Variants in SETD2 observed in about 807,000 individuals in gnomAD.
The protein encoded by SETD2 is SET domain containing 2, histone lysine methyltransferase.
A neutral mutation model predicts 242.1 loss-of-function variants in SETD2; 31 were observed. The ratio of observed to expected loss-of-function variants is 0.13; its 90% CI spans 0.10 to 0.17. The LOEUF (loss-of-function observed/expected upper bound fraction) is 0.17. Ranked by LOEUF, SETD2 falls within the 10% of genes least tolerant of loss-of-function variation. The pLI is 1.00. For synonymous variants in SETD2, 1,006 were observed against 1,066.5 expected (o/e 0.94, Z 1.11); for missense variants, 2,481 against 3,046.3 (o/e 0.81, Z 4.37).
At chr3:47,054,856 C>T in intron 15 of SETD2, among the ~76,000 whole-genome samples, 1 of 151,922 alleles carries the variant, frequency 6.6e-6, no homozygotes, top group African/African-American at 2.4e-5. Context: ...CCCATTAAAA[C>T]ATTTATGTAT....
chr3:47,084,564 A>T (rs896425838), intron 11 of SETD2, among the ~76,000 whole-genome samples, 182 bp from the exon 12 acceptor site: 1 of 151,588 alleles, frequency 6.6e-6, no homozygotes, highest in African/African-American at 2.4e-5. Flanking sequence ...AGCTGGGAGT[A>T]CAGGCGCTAG....
chr3:47,022,052 C>T (rs1559638004), intron 18 of SETD2, among the ~76,000 whole-genome samples: 1 of 146,062 alleles, frequency 6.8e-6, no homozygotes. Context: ...GAGGCTGAGG[C>T]AGGAGAATCG....
intron 19 of SETD2, among the ~76,000 whole-genome samples, chr3:47,018,977 C>G (rs1177807719): frequency 6.6e-6 from 1 of 152,214 alleles, no homozygotes; most frequent in Non-Finnish European, 1.5e-5. Context: ...GGCTCCCAGC[C>G]CTAATATGGC....
At chr3:47,125,227 G>C (rs751807037) in intron 2 of SETD2, among the ~76,000 whole-genome samples, 13 of 151,994 alleles carry the variant, frequency 8.6e-5, no homozygotes, top group African/African-American at 2.2e-4. Flanking sequence ...GCTGAGGTGG[G>C]AGAATCACTG....
chr3:47,050,727 T>TTTTTTTC (rs2039793095), intron 15 of SETD2, among the ~76,000 whole-genome samples: 1 of 116,308 alleles, frequency 8.6e-6, no homozygotes, highest in Non-Finnish European at 1.8e-5. Context: ...CTCTCTCTTT[T>TTTTTTTC]TTTTTTTTTT....
intron 6 of SETD2, 95 bp from the exon 7 acceptor site, chr3:47,103,518 A>T (rs2042293987): frequency 2.3e-6 from 2 of 881,892 alleles, no homozygotes; most frequent in Non-Finnish European, 3.6e-6. Flanking sequence ...TGCATCAATT[A>T]AAAAAAAGAT....
rs557527064 is a variant in SETD2, at chr3:47,084,302, G to A, written c.5478C>T (p.Arg1826=). 2.5e-6 allele frequency: 4 copies of A among 1,613,960 alleles called. No individual in the cohort carries two copies. The Admixed American group carries it at 6.7e-5, about 27-fold the overall frequency. The change falls in exon 12 of 21, where the codon CGC becomes CGT. Residue 1826 remains arginine, a synonymous_variant. Coordinates refer to ENST00000409792, the MANE Select transcript of SETD2 (RefSeq NM_014159.7). The part of the protein sequence containing the change: ...EESKVLPIIQ[R]WSQTKTAVPP... ...GGACAGCAGTCTTAGTCTGAGACCA[G>A]CGTTGAATAATTGGAAGTACTTTGC...
intron 17 of SETD2, among the ~76,000 whole-genome samples, chr3:47,039,766 T>G (rs1238616013): frequency 6.9e-6 from 1 of 145,396 alleles, no homozygotes; most frequent in South Asian, 2.2e-4. Context: ...CTGTAATCCC[T>G]GCTAGTCAGG....
chr3:47,080,171 T>C (rs1168014142), intron 12 of SETD2, among the ~76,000 whole-genome samples: 3 of 152,218 alleles, frequency 2.0e-5, no homozygotes, highest in African/African-American at 4.8e-5. Flanking sequence ...TTTTAATACA[T>C]AGCTTTCTAG....
chr3:47,069,399 C>T (rs954088588), intron 12 of SETD2, among the ~76,000 whole-genome samples: 4 of 152,130 alleles, frequency 2.6e-5, no homozygotes, highest in Admixed American at 6.6e-5. Context: ...TGATTCTCTA[C>T]CCTGGTTGTA....
chr3:47,017,884 G>T lies in SETD2; in HGVS notation c.7432-145C>A. ...CTCAGGTTAACTGGTTTGGACAGTG[G>T]AATACTAGTAAGCCAGTAAGATCTG... is the stretch of plus-strand genomic sequence containing the variant. On this transcript the variant is annotated intron_variant, in intron 19 of 20. Transcript: ENST00000409792. The surrounding 1 kb of genome is among the most constrained non-coding windows in gnomAD (Gnocchi z 4.8). The T allele has an allele frequency of 1.5e-6, 1 of 667,246 alleles. No individual in the cohort carries two copies. The highest frequency in any genetic ancestry group is 2.7e-6 in the Non-Finnish European group (1 of 366,630). The allele number at this position is 667,246 out of a possible 1,614,324, so 41.3% of individuals were successfully genotyped here.
rs2042240864 is a variant in SETD2, at chr3:47,102,201, T to G, written c.4918-646A>C. On this transcript the variant is annotated intron_variant, in intron 7 of 20. Coordinates refer to ENST00000409792, the MANE Select transcript of SETD2 (RefSeq NM_014159.7). ...CTCTGATCCAGACAATTTGCACATG[T>G]TACTAATGAAAACTCTGGACTTGCA... Among the ~76,000 whole-genome samples the G allele has an allele frequency of 3.3e-5, 5 of 152,346 alleles. No homozygotes were observed. In the South Asian group the frequency reaches 1.0e-3, roughly 32 times the overall value.
intron 12 of SETD2, among the ~76,000 whole-genome samples, chr3:47,074,646 C>T (rs927248380): frequency 1.4e-4 from 21 of 152,292 alleles, no homozygotes; most frequent in African/African-American, 5.1e-4. Flanking sequence ...GAGTAGGAGC[C>T]CTCCTGATAC....
chr3:47,121,841 A>C lies in SETD2; in HGVS notation c.2795T>G (p.Val932Gly), dbSNP rs778247125. The C allele has an allele frequency of 6.2e-7, 1 of 1,614,042 alleles. No homozygotes were observed. The highest frequency in any genetic ancestry group is 1.1e-5 in the South Asian group (1 of 91,070). Residue 932 changes from valine (V) to glycine (G), a missense_variant, in exon 3 of 21, where the codon GTA becomes GGA. Transcript: ENST00000409792. ...KHAGKETIVE[V>G]GSDLPDSGKG... is the part of the protein sequence containing the mutation. The stretch of plus-strand genomic sequence containing the variant: ...TCCTGAATCAGGAAGGTCACTACCT[A>C]CTTCTACTATTGTTTCTTTCCCTGC...
intron 5 of SETD2, among the ~76,000 whole-genome samples, chr3:47,108,763 A>T (rs1224589988): frequency 6.6e-6 from 1 of 152,202 alleles, no homozygotes; most frequent in East Asian, 1.9e-4. Flanking sequence ...GAATGTAGGA[A>T]GAGTGGCTAG....
In SETD2 at chr3:47,122,799, C is replaced by A. The variant is rs2106687723; in HGVS notation, c.1837G>T (p.Gly613Trp). Residue 613 changes from glycine to tryptophan, a missense_variant, in exon 3 of 21, where the codon GGG (glycine) becomes TGG (tryptophan). Gly to Trp is a radical substitution (Grantham distance 184, BLOSUM62 -2). Around this residue, in one of 17 missense-constraint regions of SETD2, gnomAD observed 1,300 missense variants for 1,259.2 expected, o/e 1.03. Transcript: ENST00000409792. Reference protein sequence around the residue: ...INKNPEREKAGSPAPSNRLND... With the variant: ...INKNPEREKAWSPAPSNRLND... ...AATCGATTTGATGGAGCTGGAGACC[C>A]AGCCTTTTCTCTTTCAGGATTTTTA... The A allele has an allele frequency of 6.2e-7, 1 of 1,613,150 alleles. No individual in the cohort carries two copies. Among genetic ancestry groups the A allele is most frequent in the Non-Finnish European group, 8.5e-7 (1 of 1,179,770 alleles).
intron 16 of SETD2, among the ~76,000 whole-genome samples, chr3:47,045,026 C>T (rs1242056340): frequency 6.6e-6 from 1 of 152,142 alleles, no homozygotes; most frequent in Admixed American, 6.5e-5. Flanking sequence ...TACTTCTGGT[C>T]CCGTGAAGCT....
chr3:47,051,427 C>A (rs1202097134), intron 15 of SETD2, among the ~76,000 whole-genome samples: 5 of 152,102 alleles, frequency 3.3e-5, no homozygotes, highest in Non-Finnish European at 7.4e-5. Context: ...TTGCCCTTGA[C>A]TCCTGCAATC....
At chr3:47,077,712 G>A (rs928565083) in intron 12 of SETD2, among the ~76,000 whole-genome samples, 3 of 152,150 alleles carry the variant, frequency 2.0e-5, no homozygotes, top group African/African-American at 4.8e-5. Context: ...TTCCCAACGC[G>A]AGGAACAAGA....
Sources: gnomAD v4.1 joint callset for allele counts (sites outside exome capture counted in the v4.1 genomes callset) on GRCh38, gnomAD v4.1.1 for gene constraint, gnomAD v4.1.1 regional missense constraint, Gnocchi (gnomAD v3.1) non-coding constraint, MANE v1.5 for transcripts, NCBI Gene and HGNC (gene_info 2026-07-23, HGNC 2026-07-21) for gene names.